PLEKHA5: variants seen among roughly 807,000 people sequenced by gnomAD.
PLEKHA5 encodes the protein pleckstrin homology domain containing A5.
Under a neutral mutation model 181.9 loss-of-function variants are expected in PLEKHA5, and 55 were observed. The observed-to-expected ratio is 0.30, with a 90% CI of 0.24 to 0.38. PLEKHA5 has a LOEUF of 0.38. PLEKHA5 is among the 10% of genes least tolerant of loss of function. PLEKHA5 has a pLI of 1.00. For synonymous variants in PLEKHA5, 535 were observed against 529.4 expected (o/e 1.01, Z -0.15); for missense variants, 1,432 against 1,549.5 (o/e 0.92, Z 1.27).
chr12:19,333,907 CCT>C (rs2093106838), intron 20 of PLEKHA5, among the ~76,000 whole-genome samples: 1 of 152,082 alleles, frequency 6.6e-6, no homozygotes, highest in South Asian at 2.1e-4. Context: ...CCGCACCTGG[CCT>C]TCATTTATTC....
chr12:19,304,934 CT>C (rs1565592358), intron 15 of PLEKHA5, among the ~76,000 whole-genome samples: 1 of 151,882 alleles, frequency 6.6e-6, no homozygotes, highest in African/African-American at 2.4e-5. Flanking sequence ...TTCTCTCTTT[CT>C]TTTTTTAAAA....
intron 3 of PLEKHA5, among the ~76,000 whole-genome samples, chr12:19,214,772 G>T (rs945709571): frequency 1.3e-4 from 20 of 152,030 alleles, no homozygotes; most frequent in African/African-American, 4.8e-4. Context: ...TCTGCCAGAT[G>T]GTGTTAAGAG....
chr12:19,225,561 A>G (rs1198265377), intron 3 of PLEKHA5, among the ~76,000 whole-genome samples: 2 of 152,158 alleles, frequency 1.3e-5, no homozygotes, highest in Admixed American at 1.3e-4. Context: ...ATCCTTGTAG[A>G]AGAACAAGAC....
At chr12:19,248,367 T>G (rs2064322712) in intron 3 of PLEKHA5, among the ~76,000 whole-genome samples, 1 of 152,150 alleles carries the variant, frequency 6.6e-6, no homozygotes, top group Non-Finnish European at 1.5e-5. Flanking sequence ...CTGGCTAATT[T>G]CTGTATTTTT....
At chr12:19,183,290 G>A (rs1448723886) in intron 3 of PLEKHA5, among the ~76,000 whole-genome samples, 1 of 152,194 alleles carries the variant, frequency 6.6e-6, no homozygotes, top group Non-Finnish European at 1.5e-5. Flanking sequence ...ACTCTGGAAA[G>A]AGGTGTCAGC....
chr12:19,324,777 T>C (rs564982042), intron 20 of PLEKHA5, among the ~76,000 whole-genome samples: 1 of 152,286 alleles, frequency 6.6e-6, no homozygotes, highest in African/African-American at 2.4e-5. Flanking sequence ...ACTAACAGCC[T>C]GACTGGGATA....
At chr12:19,365,751 A>C (rs1037790776) in intron 29 of PLEKHA5, among the ~76,000 whole-genome samples, 3 of 152,230 alleles carry the variant, frequency 2.0e-5, no homozygotes, top group Non-Finnish European at 2.9e-5. Context: ...TAGATGAAGC[A>C]AGATTGGCAA....
chr12:19,237,052 C>T lies in PLEKHA5; in HGVS notation c.228-16888C>T, dbSNP rs185201469. 3.9e-5 allele frequency: 6 copies of T among 152,276 alleles called. No homozygotes were observed. In the South Asian group the frequency reaches 6.2e-4, roughly 16 times the overall value. 9.4% of individuals were successfully genotyped at this position (152,276 alleles called of 1,614,324 possible). A position where few individuals can be genotyped will look rare whatever the true frequency, so the allele number is the denominator to read the frequency against. The stretch of plus-strand genomic sequence containing the variant: ...GAAGGCTGGTGAGTAATTCTTGTTA[C>T]TTTAATGTATTAATAATAAATAGCT... On this transcript the variant is annotated intron_variant, in intron 3 of 31. Coordinates refer to ENST00000429027, the MANE Select transcript of PLEKHA5 (RefSeq NM_001256470.2).
rs138243330 is a variant in PLEKHA5 at position 19,360,412 on chromosome 12, C to A, written c.3483+866C>A. ...CTTGAGGCCCGGAGTTCGAGATCAG[C>A]CTCGCAAACATAGTGAAACCCCATA... On this transcript the variant is annotated intron_variant, in intron 28 of 31. Transcript: ENST00000429027. Among the ~76,000 whole-genome samples the A allele has an allele frequency of 4.6e-3, 694 of 151,940 alleles. 1 individual carries two copies. The highest frequency in any genetic ancestry group is 6.6e-3 in the Non-Finnish European group (447 of 67,978).
Position 19,372,843 on chromosome 12 carries a change from G to A in PLEKHA5, c.*12-2688G>A, listed in dbSNP as rs1260834280. 4 of 148,406 alleles carry A rather than the reference G, an allele frequency of 2.7e-5. No homozygotes were observed. In the Admixed American group the frequency reaches 2.7e-4, roughly 10 times the overall value. 9.2% of individuals were successfully genotyped at this position (148,406 alleles called of 1,614,324 possible). The stretch of plus-strand genomic sequence containing the variant: ...CACTGGAGTGCAATGGTGAGATCTT[G>A]GAGCCTTGCCCTCCTGGGCTTAAGT... On this transcript the variant is annotated intron_variant, in intron 31 of 31. Transcript: ENST00000429027.
At chr12:19,217,530 C>T (rs1172489223) in intron 3 of PLEKHA5, among the ~76,000 whole-genome samples, 1 of 152,060 alleles carries the variant, frequency 6.6e-6, no homozygotes, top group African/African-American at 2.4e-5. Flanking sequence ...GGATGCAAAT[C>T]AGAATAAAAA....
intron 3 of PLEKHA5, among the ~76,000 whole-genome samples, chr12:19,136,707 A>G (rs7136861): frequency 0.054 from 8,173 of 152,308 alleles, 304 homozygotes; most frequent in Middle Eastern, 0.11. Flanking sequence ...ACTGGGTATC[A>G]AAACAATATT....
intron 20 of PLEKHA5, among the ~76,000 whole-genome samples, chr12:19,326,284 C>T (rs1263925924): frequency 6.6e-6 from 1 of 152,160 alleles, no homozygotes; most frequent in Non-Finnish European, 1.5e-5. Context: ...TTAGCATGTG[C>T]ATAACATCAT....
intron 3 of PLEKHA5, among the ~76,000 whole-genome samples, chr12:19,166,570 A>G (rs1235153837): frequency 2.6e-5 from 4 of 152,138 alleles, no homozygotes; most frequent in African/African-American, 9.7e-5. Context: ...GTGATCCAGG[A>G]ACTTTCCTCC....
intron 26 of PLEKHA5, among the ~76,000 whole-genome samples, chr12:19,358,021 C>A (rs1403039053): frequency 6.6e-6 from 1 of 151,802 alleles, no homozygotes; most frequent in Admixed American, 6.6e-5. Context: ...CTTTTTCTTT[C>A]TGTTATTGAG....
intron 3 of PLEKHA5, among the ~76,000 whole-genome samples, chr12:19,225,770 G>A (rs367607485): frequency 1.3e-5 from 2 of 152,310 alleles, no homozygotes; most frequent in South Asian, 2.1e-4. Flanking sequence ...TGGATGTGCA[G>A]TTTGGCAATT....
chr12:19,332,454 T>A (rs1252333900), intron 20 of PLEKHA5, among the ~76,000 whole-genome samples: 2 of 152,218 alleles, frequency 1.3e-5, no homozygotes, highest in Non-Finnish European at 2.9e-5. Context: ...ACTGCCAGAC[T>A]TTTTTCTTCT....
At chr12:19,144,660 C>T (rs993073602) in intron 3 of PLEKHA5, among the ~76,000 whole-genome samples, 4 of 152,280 alleles carry the variant, frequency 2.6e-5, no homozygotes, top group Non-Finnish European at 5.9e-5. Context: ...TTAGCGATAA[C>T]TGTTTGAAGC....
At position 19,304,786 on chromosome 12, in the gene PLEKHA5, A is replaced by G. The variant is rs190691140; in HGVS notation, c.2038-10028A>G. Among the ~76,000 whole-genome samples, 17 of 151,408 alleles carry G rather than the reference A, an allele frequency of 1.1e-4. No homozygotes were observed. The East Asian group carries it at 1.4e-3, about 12-fold the overall frequency. On this transcript the variant is annotated intron_variant, in intron 15 of 31. Coordinates refer to ENST00000429027, the MANE Select transcript of PLEKHA5 (RefSeq NM_001256470.2). The stretch of plus-strand genomic sequence containing the variant: ...TTTTTTTTCTTTTGCCAGATATGAG[A>G]ACTACACCAAAGAAAGAAGAAAAGT...
Sources: gnomAD v4.1 joint callset for allele counts (sites outside exome capture counted in the v4.1 genomes callset) on GRCh38, gnomAD v4.1.1 for gene constraint, MANE v1.5 for transcripts, NCBI Gene and HGNC (gene_info 2026-07-23, HGNC 2026-07-21) for gene names.